Variants in PPP1R3A observed in about 807,000 individuals in gnomAD.
The protein encoded by PPP1R3A is RG1.
Under a neutral mutation model 41.7 loss-of-function variants are expected in PPP1R3A, and 29 were observed. The ratio of observed to expected loss-of-function variants is 0.70; its 90% CI spans 0.52 to 0.95. The LOEUF (loss-of-function observed/expected upper bound fraction) is 0.95, where lower values mean the gene tolerates loss of function less well. PPP1R3A is among the 40% of genes least tolerant of loss of function. PPP1R3A has a pLI of 0.00. For missense variants in PPP1R3A, 1,352 were observed against 1,292.4 expected (o/e 1.05, Z -0.71); for synonymous variants, 485 against 453.4 (o/e 1.07, Z -0.89).
At chr7:113,881,189 G>T (rs1263007382) in intron 3 of PPP1R3A, among the ~76,000 whole-genome samples, 1 of 152,056 alleles carries the variant, frequency 6.6e-6, no homozygotes, top group African/African-American at 2.4e-5. Context: ...CTTTAGTGAT[G>T]CAGCTCCGCG....
chr7:113,883,023 G>A (rs1796721127), intron 1 of PPP1R3A, among the ~76,000 whole-genome samples: 1 of 151,844 alleles, frequency 6.6e-6, no homozygotes, highest in African/African-American at 2.4e-5. Flanking sequence ...TCCTTTTCTA[G>A]CATACCCTGC....
At chr7:113,886,086 G>A in intron 1 of PPP1R3A, among the ~76,000 whole-genome samples, 1 of 151,358 alleles carries the variant, frequency 6.6e-6, no homozygotes, top group African/African-American at 2.4e-5. Context: ...TGTCTCTGTG[G>A]TTTGTTATAT....
rs768903082 is a variant in PPP1R3A, at chr7:113,882,014, A to C, written c.966+25T>G. 8.7e-6 allele frequency: 14 copies of C among 1,611,224 alleles called. No homozygotes were observed. The Admixed American group carries it at 2.0e-4, about 23-fold the overall frequency. On this transcript the variant is annotated intron_variant, in intron 3 of 3. Transcript: ENST00000284601. ...AGCAGAAATGGATTCATCTTCTCTA[A>C]TACCGTGGCAACCAGAACACTTACC...
At chr7:113,892,447 C>A (rs1009245071) in intron 1 of PPP1R3A, among the ~76,000 whole-genome samples, 1 of 152,016 alleles carries the variant, frequency 6.6e-6, no homozygotes, top group Non-Finnish European at 1.5e-5. Flanking sequence ...CATAGCCACT[C>A]ATATATTGAA....
In PPP1R3A at chr7:113,878,717, G is replaced by C; in HGVS notation, c.2375C>G (p.Thr792Arg). 1 of 1,613,286 alleles carries C rather than the reference G, an allele frequency of 6.2e-7. No homozygotes were observed. The highest frequency in any genetic ancestry group is 2.2e-5 in the East Asian group (1 of 44,834). Residue 792 changes from threonine to arginine, a missense_variant, in exon 4 of 4, where the codon ACA becomes AGA. By Grantham distance (71) the Thr-to-Arg change is moderately conservative (BLOSUM62 -1). Coordinates refer to ENST00000284601, the MANE Select transcript of PPP1R3A (RefSeq NM_002711.4). ...ATCATTGTCATAGATTACACCTACTGTATCTCGTTGACAAAGGGTATAATG... is the reference window on the plus strand; with the variant it reads ...ATCATTGTCATAGATTACACCTACTCTATCTCGTTGACAAAGGGTATAATG... ...DSHYTLCQRD[T>R]VGVIYDNDFE...
In PPP1R3A at chr7:113,878,141, G is replaced by A; in HGVS notation, c.2951C>T (p.Thr984Ile). Residue 984 changes from threonine (T) to isoleucine (I), a missense_variant, in exon 4 of 4, where the codon ACA becomes ATA. Transcript: ENST00000284601. ...EEVSRSSGIVTSGSRKERCIG... is the reference protein window; with the variant it reads ...EEVSRSSGIVISGSRKERCIG... ...GCATCTTTCTTTTCTACTACCTGAT[G>A]TCACTATTCCTGAACTTCTGGAAAC... is the stretch of plus-strand genomic sequence containing the variant. 1 of 1,613,236 alleles carries A rather than the reference G, an allele frequency of 6.2e-7. No homozygotes were observed. Among genetic ancestry groups the A allele is most frequent in the Non-Finnish European group, 8.5e-7 (1 of 1,179,612 alleles).
chr7:113,882,071 C>G lies in PPP1R3A; in HGVS notation c.934G>C (p.Asp312His), dbSNP rs751055412. 1.2e-6 allele frequency: 2 copies of G among 1,612,650 alleles called. No homozygotes were observed. The highest frequency in any genetic ancestry group is 1.7e-6 in the Non-Finnish European group (2 of 1,179,042). Residue 312 changes from aspartate to histidine, a missense_variant, in exon 3 of 4, where the codon GAT becomes CAT. By Grantham distance (81) the Asp-to-His change is moderately conservative. Transcript: ENST00000284601. Reference protein sequence around the residue: ...RNVKDVNREHDEHNEKELELM... With the variant: ...RNVKDVNREHHEHNEKELELM... Reference sequence around the variant, plus strand: ...TCTAATTCTTTTTCATTATGTTCATCATGTTCCCTGTTTACATCTTTTACA... The same window carrying G: ...TCTAATTCTTTTTCATTATGTTCATGATGTTCCCTGTTTACATCTTTTACA...
chr7:113,909,620 G>A lies in PPP1R3A; in HGVS notation c.782+8595C>T, dbSNP rs78822820. Among the ~76,000 whole-genome samples the A allele has an allele frequency of 8.1e-3, 1,235 of 152,022 alleles. 14 individuals are homozygous for A. Among genetic ancestry groups the A allele is most frequent in the African/African-American group, 0.025 (1,052 of 41,452 alleles). ...ATGATGGAGTTTTTTCTTCTCTGGC[G>A]TATGCATTAAAACACTACAAACTTG... is the stretch of plus-strand genomic sequence containing the variant. On this transcript the variant is annotated intron_variant, in intron 1 of 3. Coordinates refer to ENST00000284601, the MANE Select transcript of PPP1R3A (RefSeq NM_002711.4).
In PPP1R3A at chr7:113,901,913, C is replaced by T. The variant is rs138545516; in HGVS notation, c.782+16302G>A. Among the ~76,000 whole-genome samples, 433 of 151,880 alleles carry T rather than the reference C, an allele frequency of 2.9e-3. 2 individuals carry two copies. Among genetic ancestry groups the T allele is most frequent in the African/African-American group, 1.0e-2 (413 of 41,452 alleles). On this transcript the variant is annotated intron_variant, in intron 1 of 3. Transcript: ENST00000284601. Reference sequence around the variant, plus strand: ...TCGAAAAAAGATCATAAACAAATGCCACCTTTTGCAAACTATGAACATCAA... The same window carrying T: ...TCGAAAAAAGATCATAAACAAATGCTACCTTTTGCAAACTATGAACATCAA...
chr7:113,879,446 T>C lies in PPP1R3A; in HGVS notation c.1646A>G (p.Lys549Arg), dbSNP rs199556516. The change falls in exon 4 of 4, where the codon AAA becomes AGA. Residue 549 changes from lysine (K) to arginine (R), a missense_variant. Coordinates refer to ENST00000284601, the MANE Select transcript of PPP1R3A (RefSeq NM_002711.4). ...AGCTCCAATCCCTGCCACACTTATT[T>C]TAGGGTTACCCATCTTCCTTTCTTG... ...HDQERKMGNPKISVAGIGASN... is the reference protein window; with the variant it reads ...HDQERKMGNPRISVAGIGASN... 108 of 1,613,502 alleles carry C rather than the reference T, an allele frequency of 6.7e-5. No individual in the cohort carries two copies. The Admixed American group carries it at 7.9e-4, about 12-fold the overall frequency.
At chr7:113,909,318 T>G (rs1797202506) in intron 1 of PPP1R3A, among the ~76,000 whole-genome samples, 1 of 152,028 alleles carries the variant, frequency 6.6e-6, no homozygotes, top group South Asian at 2.1e-4. Flanking sequence ...ATAGCTATCT[T>G]TTTAGGTAAG....
chr7:113,913,452 C>T (rs971706353), intron 1 of PPP1R3A, among the ~76,000 whole-genome samples: 7 of 152,210 alleles, frequency 4.6e-5, no homozygotes, highest in African/African-American at 1.7e-4. Context: ...TGTTCCTGAA[C>T]GTACCTGGTT....
intron 1 of PPP1R3A, among the ~76,000 whole-genome samples, chr7:113,904,694 A>T: frequency 6.6e-6 from 1 of 151,730 alleles, no homozygotes; most frequent in East Asian, 1.9e-4. Flanking sequence ...AAAGAAAAAA[A>T]AATTGTCTTT....
intron 1 of PPP1R3A, among the ~76,000 whole-genome samples, chr7:113,885,236 C>A (rs1796762932): frequency 6.6e-6 from 1 of 152,028 alleles, no homozygotes; most frequent in South Asian, 2.1e-4. Flanking sequence ...TTAGTAGAGA[C>A]AAGGTTTCAC....
chr7:113,910,357 A>C (rs1797224185), intron 1 of PPP1R3A, among the ~76,000 whole-genome samples: 2 of 152,096 alleles, frequency 1.3e-5, no homozygotes, highest in African/African-American at 4.8e-5. Flanking sequence ...AAAAGGATTC[A>C]ACAAAAACTG....
chr7:113,880,056 G>A lies in PPP1R3A; in HGVS notation c.1036C>T (p.Pro346Ser), dbSNP rs777406012. 5 of 1,610,458 alleles carry A rather than the reference G, an allele frequency of 3.1e-6. No individual in the cohort carries two copies. The highest frequency in any genetic ancestry group is 4.2e-6 in the Non-Finnish European group (5 of 1,177,222). Residue 346 changes from proline to serine, a missense_variant, in exon 4 of 4, where the codon CCA becomes TCA. Coordinates refer to ENST00000284601, the MANE Select transcript of PPP1R3A (RefSeq NM_002711.4). Reference sequence around the variant, plus strand: ...TCTGCTTTATTTGGAAAATTGACTGGATCTGTTGAAAATGTATTCCTTTCA... The same window carrying A: ...TCTGCTTTATTTGGAAAATTGACTGAATCTGTTGAAAATGTATTCCTTTCA... The part of the protein sequence containing the change: ...RDERNTFSTD[P>S]VNFPNKAEGL...
At chr7:113,900,451 T>C (rs1456352461) in intron 1 of PPP1R3A, among the ~76,000 whole-genome samples, 1 of 151,564 alleles carries the variant, frequency 6.6e-6, no homozygotes, top group Non-Finnish European at 1.5e-5. Flanking sequence ...TATATTCTGG[T>C]CTTTTCTTTC....
chr7:113,918,135 T>A, intron 1 of PPP1R3A, 80 bp downstream of exon 1: 2 of 1,376,008 alleles, frequency 1.5e-6, no homozygotes, highest in Non-Finnish European at 2.0e-6. Context: ...ATAGAGTCAC[T>A]TTCTTACAAC....
chr7:113,906,652 CA>C (rs1408081248), intron 1 of PPP1R3A, among the ~76,000 whole-genome samples: 6 of 151,758 alleles, frequency 4.0e-5, no homozygotes, highest in African/African-American at 1.4e-4. Context: ...CTACAATGAA[CA>C]TAATTCATTA....
Sources: gnomAD v4.1 joint callset for allele counts (sites outside exome capture counted in the v4.1 genomes callset) on GRCh38, gnomAD v4.1.1 for gene constraint, MANE v1.5 for transcripts, NCBI Gene and HGNC (gene_info 2026-07-23, HGNC 2026-07-21) for gene names.